Variants in DYNC1I2 observed in about 807,000 individuals in gnomAD.
DYNC1I2 encodes the protein dynein cytoplasmic 1 intermediate chain 2, also known as cytoplasmic dynein 1 intermediate chain 2.
DYNC1I2 carries 53 observed loss-of-function variants against 88.6 expected under a neutral mutation model. The observed-to-expected ratio is 0.60, with a 90% CI of 0.48 to 0.75. The LOEUF is 0.75. DYNC1I2 is among the 30% of genes least tolerant of loss of function. DYNC1I2 has a pLI of 0.00. For missense variants in DYNC1I2, 458 were observed against 766.6 expected (o/e 0.60, Z 4.75); for synonymous variants, 198 against 254.6 (o/e 0.78, Z 2.12).
chr2:171,729,557 A>G (rs13000153), intron 14 of DYNC1I2, among the ~76,000 whole-genome samples, 152 bp from the exon 15 acceptor site: 11,809 of 152,286 alleles, frequency 0.078, 570 homozygotes, highest in South Asian at 0.13. Flanking sequence ...ATGGAATAAC[A>G]CTCAACAAAG....
At chr2:171,700,790 C>T (rs1342630849) in intron 3 of DYNC1I2, among the ~76,000 whole-genome samples, 3 of 152,094 alleles carry the variant, frequency 2.0e-5, no homozygotes, top group Admixed American at 6.5e-5. Context: ...CGCCACCACG[C>T]CCGGCTAATT....
rs757274921 is a variant in DYNC1I2, at chr2:171,690,263, A to T, written c.108A>T (p.Glu36Asp). The T allele has an allele frequency of 7.5e-5, 115 of 1,539,032 alleles. No homozygotes were observed. The highest frequency in any genetic ancestry group is 9.6e-5 in the Non-Finnish European group (110 of 1,141,854). The change falls in exon 2 of 18, where the codon GAA becomes GAT. Residue 36 changes from glutamate to aspartate, a missense_variant and splice_region_variant. Transcript: ENST00000397119. ...KRKEEERKKKETDQKKEAVAP... is the reference protein window; with the variant it reads ...KRKEEERKKKDTDQKKEAVAP... ...AAGAAGAAGAAAGGAAAAAAAAAGA[A>T]GTATGTTTGATTTTTTTGCTTAAAT...
intron 7 of DYNC1I2, among the ~76,000 whole-genome samples, chr2:171,717,128 G>A (rs1291745793): frequency 7.0e-6 from 1 of 142,982 alleles, no homozygotes; most frequent in Admixed American, 7.2e-5. Context: ...TAACATTTTT[G>A]TTCAAGTATT....
chr2:171,727,990 A>G (rs1271256795), intron 12 of DYNC1I2, 23 bp downstream of exon 12: 2 of 1,608,172 alleles, frequency 1.2e-6, no homozygotes, highest in East Asian at 4.5e-5. Flanking sequence ...GGTTATTTCC[A>G]TTAGGCTTCT....
At position 171,692,802 on chromosome 2, in the gene DYNC1I2, C is replaced by G. The variant is rs1685493669; in HGVS notation, c.134C>G (p.Ala45Gly). The G allele has an allele frequency of 1.2e-6, 2 of 1,606,740 alleles. No homozygotes were observed. The highest frequency in any genetic ancestry group is 1.3e-5 in the African/African-American group (1 of 74,686). Residue 45 changes from alanine (A) to glycine (G), a missense_variant, in exon 3 of 18, where the codon GCT becomes GGT. Ala to Gly is a moderately conservative substitution (Grantham distance 60). Coordinates refer to ENST00000397119, the MANE Select transcript of DYNC1I2 (RefSeq NM_001378.3). ...ACAGACCAGAAGAAGGAAGCTGTTGCTCCTGTGCAAGAAGAATCAGATCTT... is the reference window on the plus strand; with the variant it reads ...ACAGACCAGAAGAAGGAAGCTGTTGGTCCTGTGCAAGAAGAATCAGATCTT... ...KETDQKKEAV[A>G]PVQEESDLEK... is the part of the protein sequence containing the mutation.
At chr2:171,717,822 G>A (rs1316500483) in intron 7 of DYNC1I2, among the ~76,000 whole-genome samples, 1 of 152,004 alleles carries the variant, frequency 6.6e-6, no homozygotes, top group Non-Finnish European at 1.5e-5. Context: ...TGATAATTTG[G>A]AGATTGTATT....
chr2:171,717,788 A>G (rs1239628047), intron 7 of DYNC1I2, among the ~76,000 whole-genome samples: 2 of 152,192 alleles, frequency 1.3e-5, no homozygotes, highest in African/African-American at 4.8e-5. Context: ...ATTTAAAAAA[A>G]TAAATTAGGC....
intron 15 of DYNC1I2, among the ~76,000 whole-genome samples, chr2:171,738,647 A>C (rs1336211409): frequency 1.3e-5 from 2 of 152,196 alleles, no homozygotes; most frequent in African/African-American, 4.8e-5. Context: ...TGGAAGACAT[A>C]ACATTGCCTA....
chr2:171,731,365 T>C (rs1272709415), intron 15 of DYNC1I2, among the ~76,000 whole-genome samples: 1 of 152,188 alleles, frequency 6.6e-6, no homozygotes, highest in East Asian at 1.9e-4. Context: ...AAACATTCAT[T>C]GGAGCATGGA....
At chr2:171,731,249 C>T (rs987813498) in intron 15 of DYNC1I2, among the ~76,000 whole-genome samples, 1 of 152,132 alleles carries the variant, frequency 6.6e-6, no homozygotes, top group African/African-American at 2.4e-5. Context: ...ATTCTCAAAG[C>T]TCACAAGCAA....
chr2:171,704,279 G>GTT lies in DYNC1I2; in HGVS notation c.227-2268_227-2267insTT, dbSNP rs200568483. Among the ~76,000 whole-genome samples the GTT allele has an allele frequency of 5.0e-3, 752 of 151,100 alleles. 5 individuals carry two copies. Among genetic ancestry groups the GTT allele is most frequent in the African/African-American group, 0.017 (707 of 41,290 alleles). ...TGCCTTTTTGTCCTGGATAGTTAAA[G>GTT]AAGTACAGTCTTTCTCACATTACCT... is the stretch of plus-strand genomic sequence containing the variant. On this transcript the variant is annotated intron_variant, in intron 3 of 17. Coordinates refer to ENST00000397119, the MANE Select transcript of DYNC1I2 (RefSeq NM_001378.3).
Position 171,743,991 on chromosome 2 carries a change from G to C in DYNC1I2, c.1537-58G>C, listed in dbSNP as rs187626336. The C allele has an allele frequency of 5.6e-6, 8 of 1,434,930 alleles. No individual in the cohort carries two copies. In the South Asian group the frequency reaches 1.3e-4, roughly 23 times the overall value. The allele number at this position is 1,434,930 out of a possible 1,614,324, so 88.9% of individuals were successfully genotyped here. ...GTCATTTTTTTCCCAGTGATAAGTA[G>C]TTTAATGATTTGTATGTCATATATG... On this transcript the variant is annotated intron_variant, in intron 15 of 17. Transcript: ENST00000397119.
rs1688415188 is a variant in DYNC1I2 at position 171,728,805 on chromosome 2, T to C, written c.1346T>C (p.Val449Ala). Residue 449 changes from valine to alanine, a missense_variant, in exon 14 of 18, where the codon GTT (valine) becomes GCT (alanine). Physicochemically the swap from Val to Ala is moderately conservative, Grantham distance 64. This residue lies in a region of DYNC1I2 where 188 missense variants were observed against 300.4 expected (regional missense o/e 0.63). Coordinates refer to ENST00000397119, the MANE Select transcript of DYNC1I2 (RefSeq NM_001378.3). ...FPVGDVNNFVVGSEEGSVYTA... is the reference protein window; with the variant it reads ...FPVGDVNNFVAGSEEGSVYTA... Reference sequence around the variant, plus strand: ...GTTGGAGATGTCAACAACTTTGTTGTTGGGAGTGAAGAAGGTTCTGTGTAC... The same window carrying C: ...GTTGGAGATGTCAACAACTTTGTTGCTGGGAGTGAAGAAGGTTCTGTGTAC... The C allele has an allele frequency of 1.9e-6, 3 of 1,611,306 alleles. No individual in the cohort carries two copies. The highest frequency in any genetic ancestry group is 1.3e-5 in the African/African-American group (1 of 74,864).
Position 171,729,787 on chromosome 2 carries a change from A to G in DYNC1I2, c.1470A>G (p.Ala490=). The part of the protein sequence containing the change: ...TGIHCHAAVG[A]VDFSHLFVTS... ...TCCATTGTCATGCAGCTGTTGGAGC[A>G]GTAGACTTCTCACATCTTTTTGTCA... Residue 490 remains alanine (A), a synonymous_variant, in exon 15 of 18, where the codon GCA becomes GCG. Coordinates refer to ENST00000397119, the MANE Select transcript of DYNC1I2 (RefSeq NM_001378.3). The G allele has an allele frequency of 1.2e-6, 2 of 1,613,802 alleles. No homozygotes were observed. The highest frequency in any genetic ancestry group is 8.5e-7 in the Non-Finnish European group (1 of 1,179,790).
chr2:171,719,629 G>A (rs1687770013), intron 7 of DYNC1I2, among the ~76,000 whole-genome samples: 1 of 152,050 alleles, frequency 6.6e-6, no homozygotes, highest in Non-Finnish European at 1.5e-5. Context: ...CCAAATTGAA[G>A]GTAAAAATTG....
At chr2:171,700,792 C>T (rs918018621) in intron 3 of DYNC1I2, among the ~76,000 whole-genome samples, 11 of 152,150 alleles carry the variant, frequency 7.2e-5, no homozygotes, top group East Asian at 3.9e-4. Context: ...CCACCACGCC[C>T]GGCTAATTTT....
At chr2:171,723,972 A>G (rs1314523671) in intron 7 of DYNC1I2, among the ~76,000 whole-genome samples, 1 of 152,210 alleles carries the variant, frequency 6.6e-6, no homozygotes, top group Non-Finnish European at 1.5e-5. Context: ...CTGAAAAGAC[A>G]GTGATTACTG....
intron 15 of DYNC1I2, among the ~76,000 whole-genome samples, chr2:171,736,210 C>T (rs941818986): frequency 7.2e-5 from 11 of 152,108 alleles, no homozygotes; most frequent in Admixed American, 2.0e-4. Context: ...TCATCTGGAC[C>T]GAGGCCTGCG....
intron 3 of DYNC1I2, among the ~76,000 whole-genome samples, chr2:171,694,613 G>A (rs1301499671): frequency 6.6e-6 from 1 of 152,028 alleles, no homozygotes. Flanking sequence ...GCTGAGATCT[G>A]GCTATTGCAC....
Sources: gnomAD v4.1 joint callset for allele counts (sites outside exome capture counted in the v4.1 genomes callset) on GRCh38, gnomAD v4.1.1 for gene constraint, gnomAD v4.1.1 regional missense constraint, MANE v1.5 for transcripts, NCBI Gene and HGNC (gene_info 2026-07-23, HGNC 2026-07-21) for gene names.